Variants in METAP1 observed in about 807,000 individuals in gnomAD.
The protein encoded by METAP1 is methionyl aminopeptidase 1.
A neutral mutation model predicts 53.8 loss-of-function variants in METAP1; 28 were observed. The observed-to-expected ratio is 0.52, with a 90% CI of 0.39 to 0.71. The LOEUF (loss-of-function observed/expected upper bound fraction) is 0.71, where lower values mean the gene tolerates loss of function less well. Ranked by LOEUF, METAP1 falls within the 30% of genes least tolerant of loss-of-function variation. The pLI, the probability that METAP1 is intolerant of heterozygous loss-of-function variation, is 0.00. For synonymous variants in METAP1, 181 were observed against 165.7 expected, an observed-to-expected ratio of 1.09 and a Z score of -0.71; for missense variants, 389 against 479.8, an observed-to-expected ratio of 0.81 and a Z score of 1.77.
chr4:99,041,481 C>T (rs1215684226), intron 6 of METAP1, among the ~76,000 whole-genome samples: 1 of 151,976 alleles, frequency 6.6e-6, no homozygotes, highest in African/African-American at 2.4e-5. Flanking sequence ...AATATGACTT[C>T]TGATGGTAGA....
rs75554524 is a variant in METAP1 at position 99,035,235 on chromosome 4, G to C, written c.280-165G>C. Among the ~76,000 whole-genome samples, 1,277 of 152,220 alleles carry C rather than the reference G, an allele frequency of 8.4e-3. 18 individuals are homozygous for C. Among genetic ancestry groups the C allele is most frequent in the African/African-American group, 0.029 (1,208 of 41,550 alleles). On this transcript the variant is annotated intron_variant, in intron 3 of 10. Transcript: ENST00000296411. ...TTCTAAATACCCTGCAAAAGGGGTG[G>C]CATTACCACTAGGAAAAGTAAAGCA...
At chr4:99,028,326 C>T (rs1037574569) in intron 1 of METAP1, among the ~76,000 whole-genome samples, 2 of 152,112 alleles carry the variant, frequency 1.3e-5, no homozygotes, top group Admixed American at 1.3e-4. Flanking sequence ...TTCAGTCAAG[C>T]ATTCACTGAA....
At chr4:99,013,526 C>T (rs1335360277) in intron 1 of METAP1, among the ~76,000 whole-genome samples, 2 of 152,140 alleles carry the variant, frequency 1.3e-5, no homozygotes, top group East Asian at 3.8e-4. Context: ...GTGCACTCAC[C>T]AGCAGTCCAG....
intron 1 of METAP1, among the ~76,000 whole-genome samples, chr4:99,013,838 TAC>T (rs1467764128): frequency 6.6e-6 from 1 of 152,234 alleles, no homozygotes; most frequent in Non-Finnish European, 1.5e-5. Context: ...AGCCTTGGAA[TAC>T]ACACATCCTA....
At chr4:99,032,236 GT>G (rs369628710) in intron 2 of METAP1, among the ~76,000 whole-genome samples, 5 of 146,028 alleles carry the variant, frequency 3.4e-5, no homozygotes, top group African/African-American at 7.6e-5. Flanking sequence ...GTTTTGTTTT[GT>G]TTTTTTTTGA....
rs2110448812 is a variant in METAP1 at position 99,062,474 on chromosome 4, C to G, written c.*1157C>G. 6.5e-6 allele frequency: 1 copy of G among 152,696 alleles called. No homozygotes were observed. The highest frequency in any genetic ancestry group is 2.1e-4 in the South Asian group (1 of 4,820). 9.5% of individuals were successfully genotyped at this position (152,696 alleles called of 1,614,324 possible). On this transcript the variant is annotated 3_prime_UTR_variant, in exon 11 of 11. Transcript: ENST00000296411. ...AGCAGTTGTCCAAGTAGGAGTGTAT[C>G]CAGTGAAGACATATCAAATCACAAA...
chr4:99,045,418 TTC>T, intron 8 of METAP1, 108 bp downstream of exon 8: 1 of 1,230,630 alleles, frequency 8.1e-7, no homozygotes, highest in South Asian at 1.9e-5. Flanking sequence ...GTTGCCCCTG[TTC>T]TACCTGAGTT....
intron 2 of METAP1, among the ~76,000 whole-genome samples, chr4:99,029,499 A>G (rs1248619095): frequency 9.9e-5 from 15 of 152,160 alleles, no homozygotes; most frequent in Non-Finnish European, 8.8e-5. Flanking sequence ...TTTTTGCTCC[A>G]GCTAATTTAT....
intron 3 of METAP1, among the ~76,000 whole-genome samples, chr4:99,034,547 A>G (rs1452329726): frequency 1.3e-5 from 2 of 152,140 alleles, no homozygotes; most frequent in African/African-American, 4.8e-5. Context: ...TTTTAGATGA[A>G]AGAACTAAAA....
intron 2 of METAP1, among the ~76,000 whole-genome samples, chr4:99,033,694 T>G (rs1725221624): frequency 6.6e-6 from 1 of 152,218 alleles, no homozygotes; most frequent in Non-Finnish European, 1.5e-5. Flanking sequence ...GATCATAAAG[T>G]TTTCAAAGCA....
intron 8 of METAP1, among the ~76,000 whole-genome samples, chr4:99,046,953 A>AAAAAAAAAAAAG (rs1560730243): frequency 6.0e-5 from 9 of 149,010 alleles, no homozygotes; most frequent in Non-Finnish European, 8.9e-5. Context: ...AAAAAAAAAA[A>AAAAAAAAAAAAG]AAAAAGAAAA....
chr4:99,047,021 A>G (rs1027833791), intron 8 of METAP1, among the ~76,000 whole-genome samples: 2 of 152,048 alleles, frequency 1.3e-5, no homozygotes, highest in Admixed American at 1.3e-4. Flanking sequence ...GAACTTGCCA[A>G]TAGTTTTCAT....
chr4:99,006,147 A>G (rs1723168130), intron 1 of METAP1, among the ~76,000 whole-genome samples: 1 of 152,204 alleles, frequency 6.6e-6, no homozygotes, highest in Non-Finnish European at 1.5e-5. Context: ...AGCAGTGTTC[A>G]CTGGGCTATT....
intron 1 of METAP1, 137 bp downstream of exon 1, chr4:98,996,004 C>A (rs987884192): frequency 2.5e-5 from 18 of 710,722 alleles, no homozygotes; most frequent in East Asian, 1.2e-4. Flanking sequence ...CTCCTCCCCC[C>A]ACCCGCGTCG....
chr4:99,057,863 G>A, intron 10 of METAP1, 45 bp downstream of exon 10: 1 of 1,485,858 alleles, frequency 6.7e-7, no homozygotes, highest in African/African-American at 1.4e-5. Flanking sequence ...GAATTTATAT[G>A]TATTTTAGGT....
chr4:99,038,919 A>G (rs1725641598), intron 4 of METAP1, among the ~76,000 whole-genome samples: 1 of 152,172 alleles, frequency 6.6e-6, no homozygotes, highest in African/African-American at 2.4e-5. Context: ...GTAGCCTAAT[A>G]AAAGGTCACA....
At chr4:99,058,020 C>A (rs760639292) in intron 10 of METAP1, among the ~76,000 whole-genome samples, 8 of 152,058 alleles carry the variant, frequency 5.3e-5, no homozygotes, top group Non-Finnish European at 1.0e-4. Flanking sequence ...TGGTAGTCTT[C>A]TGTCAGGAGA....
chr4:98,996,841 A>G (rs953894792), intron 1 of METAP1, among the ~76,000 whole-genome samples: 4 of 152,218 alleles, frequency 2.6e-5, no homozygotes, highest in African/African-American at 9.6e-5. Flanking sequence ...ATATTCAAAT[A>G]TTAAATTGGT....
intron 1 of METAP1, among the ~76,000 whole-genome samples, chr4:99,018,704 T>G (rs563123512): frequency 3.3e-5 from 5 of 152,154 alleles, no homozygotes; most frequent in Non-Finnish European, 5.9e-5. Flanking sequence ...TCTGAGATCT[T>G]GTACTAATAG....
Sources: gnomAD v4.1 joint callset for allele counts (sites outside exome capture counted in the v4.1 genomes callset) on GRCh38, gnomAD v4.1.1 for gene constraint, MANE v1.5 for transcripts, NCBI Gene and HGNC (gene_info 2026-07-23, HGNC 2026-07-21) for gene names.